IGF2BP3: variants seen among roughly 807,000 people sequenced by gnomAD.
IGF2BP3 encodes the protein insulin like growth factor 2 mRNA binding protein 3.
In IGF2BP3, 9 loss-of-function variants were observed where a neutral mutation model predicts 73.8. The ratio of observed to expected loss-of-function variants is 0.12; its 90% CI spans 0.07 to 0.21. The LOEUF is 0.21. Among genes scored for constraint, IGF2BP3 ranks in the 10% least tolerant of loss-of-function variants. IGF2BP3 has a pLI of 1.00. For missense variants in IGF2BP3, 542 were observed against 714.0 expected (o/e 0.76, Z 2.75); for synonymous variants, 258 against 256.7 (o/e 1.01, Z -0.05).
intron 3 of IGF2BP3, among the ~76,000 whole-genome samples, chr7:23,392,916 C>T (rs1786331495): frequency 6.6e-6 from 1 of 152,122 alleles, no homozygotes; most frequent in Admixed American, 6.5e-5. Flanking sequence ...CAGGCATGAG[C>T]CACTGTGCCA....
chr7:23,314,405 C>G (rs1050671556), intron 12 of IGF2BP3, among the ~76,000 whole-genome samples: 13 of 151,356 alleles, frequency 8.6e-5, no homozygotes, highest in African/African-American at 3.2e-4. Context: ...AGGCTGGTCT[C>G]GAACTCCTGA....
chr7:23,432,187 A>G (rs1313988649), intron 2 of IGF2BP3, among the ~76,000 whole-genome samples: 1 of 152,236 alleles, frequency 6.6e-6, no homozygotes, highest in Non-Finnish European at 1.5e-5. Flanking sequence ...AGAGTCTGAC[A>G]GCCAGACGTG....
At chr7:23,442,556 C>T (rs1026671572) in intron 2 of IGF2BP3, among the ~76,000 whole-genome samples, 2 of 152,020 alleles carry the variant, frequency 1.3e-5, no homozygotes, top group East Asian at 3.9e-4. Context: ...CACTACCACG[C>T]CCAGCTAATT....
At chr7:23,383,872 A>C (rs1319149584) in intron 3 of IGF2BP3, among the ~76,000 whole-genome samples, 1 of 152,000 alleles carries the variant, frequency 6.6e-6, no homozygotes, top group Non-Finnish European at 1.5e-5. Flanking sequence ...CGAGGCGGGC[A>C]GATCATGAGG....
At chr7:23,319,053 C>G (rs1562667491) in intron 11 of IGF2BP3, 85 bp downstream of exon 11, 10 of 886,856 alleles carry the variant, frequency 1.1e-5, no homozygotes, top group Non-Finnish European at 1.6e-5. Context: ...CTTTTACATT[C>G]TATTCAAATT....
At position 23,468,498 on chromosome 7, in the gene IGF2BP3, C is replaced by T; in HGVS notation, c.220G>A (p.Val74Ile). ...HGKPIEVEHS[V>I]PKRQRIRKLQ... ...GCAGCTCACCTTTGCCTTTTTGGGA[C>T]CGAGTGCTCAACTTCTATGGGTTTC... Residue 74 changes from valine (V) to isoleucine (I), a missense_variant, in exon 2 of 15, where the codon GTC becomes ATC. Coordinates refer to ENST00000258729, the MANE Select transcript of IGF2BP3 (RefSeq NM_006547.3). 6.2e-7 allele frequency: 1 copy of T among 1,614,232 alleles called. No homozygotes were observed. The highest frequency in any genetic ancestry group is 8.5e-7 in the Non-Finnish European group (1 of 1,180,034).
chr7:23,469,977 G>C lies in IGF2BP3; in HGVS notation c.134C>G (p.Pro45Arg), dbSNP rs775086521. 1.2e-5 allele frequency: 19 copies of C among 1,612,176 alleles called. No homozygotes were observed. Among genetic ancestry groups the C allele is most frequent in the Non-Finnish European group, 1.5e-5 (18 of 1,179,624 alleles). ...VKTGYAFVDC[P>R]DESWALKAIE... ...GGCCTTGAGGGCCCAGCTCTCGTCCGGGCAGTCCACGAACGCGTAGCCAGT... is the reference window on the plus strand; with the variant it reads ...GGCCTTGAGGGCCCAGCTCTCGTCCCGGCAGTCCACGAACGCGTAGCCAGT... The change falls in exon 1 of 15, where the codon CCG becomes CGG. Residue 45 changes from proline (P) to arginine (R), a missense_variant. Physicochemically the swap from Pro to Arg is moderately radical, Grantham distance 103. Transcript: ENST00000258729. This position sits in a 1 kb window ranked among gnomAD's most constrained non-coding sequence, Gnocchi z 6.1.
chr7:23,431,840 C>A (rs1787688149), intron 2 of IGF2BP3, among the ~76,000 whole-genome samples: 1 of 151,934 alleles, frequency 6.6e-6, no homozygotes, highest in Non-Finnish European at 1.5e-5. Context: ...CACACACACA[C>A]ATTCTCTCTC....
At chr7:23,456,461 G>T (rs964529108) in intron 2 of IGF2BP3, among the ~76,000 whole-genome samples, 1 of 152,212 alleles carries the variant, frequency 6.6e-6, no homozygotes, top group Admixed American at 6.5e-5. Context: ...TCTGAAGTAG[G>T]ATGCAAAATT....
At chr7:23,387,109 G>A (rs1277917436) in intron 3 of IGF2BP3, among the ~76,000 whole-genome samples, 1 of 150,896 alleles carries the variant, frequency 6.6e-6, no homozygotes, top group African/African-American at 2.4e-5. Context: ...AGGAAGGAAG[G>A]TAGGTAGGTT....
At chr7:23,330,381 T>C (rs2128497066) in intron 10 of IGF2BP3, among the ~76,000 whole-genome samples, 1 of 150,826 alleles carries the variant, frequency 6.6e-6, no homozygotes, top group Admixed American at 6.6e-5. Flanking sequence ...GTCAAAAATA[T>C]ACATGAAAGC....
intron 2 of IGF2BP3, among the ~76,000 whole-genome samples, chr7:23,433,926 T>C (rs1217355191): frequency 6.6e-6 from 1 of 151,820 alleles, no homozygotes; most frequent in Non-Finnish European, 1.5e-5. Context: ...AATACAAAAA[T>C]TAGCCGGGCA....
In IGF2BP3 at chr7:23,378,731, G is replaced by T. The variant is rs866206689; in HGVS notation, c.286-16990C>A. 2.4e-4 allele frequency among the ~76,000 whole-genome samples: 36 copies of T among 151,886 alleles called. No individual in the cohort carries two copies. In the Middle Eastern group the frequency reaches 0.01, roughly 43 times the overall value. ...TGGGACTACAGGTGCACGCCACCAT[G>T]CCCAGCTAATTTTTGTATTTTTAGT... On this transcript the variant is annotated intron_variant, in intron 3 of 14. Transcript: ENST00000258729.
At chr7:23,395,135 G>A (rs1384638528) in intron 3 of IGF2BP3, among the ~76,000 whole-genome samples, 1 of 152,124 alleles carries the variant, frequency 6.6e-6, no homozygotes, top group Non-Finnish European at 1.5e-5. Context: ...TGACTTCTTT[G>A]TGACTCATTT....
chr7:23,319,810 C>T (rs915541924), intron 10 of IGF2BP3, among the ~76,000 whole-genome samples: 5 of 152,176 alleles, frequency 3.3e-5, no homozygotes, highest in African/African-American at 9.6e-5. Context: ...GTTATCACAT[C>T]CAAGCACAGG....
At chr7:23,448,543 C>A (rs1228519547) in intron 2 of IGF2BP3, among the ~76,000 whole-genome samples, 2 of 152,136 alleles carry the variant, frequency 1.3e-5, no homozygotes. Context: ...GCTGGGACTA[C>A]AGGCATGCAC....
chr7:23,459,017 T>C (rs895364491), intron 2 of IGF2BP3, among the ~76,000 whole-genome samples: 2 of 152,216 alleles, frequency 1.3e-5, no homozygotes, highest in African/African-American at 4.8e-5. Context: ...GCAGGTTGCT[T>C]CTCCCAGGGT....
chr7:23,373,352 C>T (rs901839599), intron 3 of IGF2BP3, among the ~76,000 whole-genome samples: 8 of 152,192 alleles, frequency 5.3e-5, no homozygotes, highest in East Asian at 1.9e-4. Flanking sequence ...AAACCACTGT[C>T]GCTTTGGTGG....
At chr7:23,420,612 T>C (rs1787318024) in intron 2 of IGF2BP3, among the ~76,000 whole-genome samples, 1 of 152,220 alleles carries the variant, frequency 6.6e-6, no homozygotes, top group Non-Finnish European at 1.5e-5. Flanking sequence ...TCTAGATTCA[T>C]AACCTAGTTT....
Sources: gnomAD v4.1 joint callset for allele counts (sites outside exome capture counted in the v4.1 genomes callset) on GRCh38, gnomAD v4.1.1 for gene constraint, Gnocchi (gnomAD v3.1) non-coding constraint, MANE v1.5 for transcripts, NCBI Gene and HGNC (gene_info 2026-07-23, HGNC 2026-07-21) for gene names.